DLGAP2: variants seen among roughly 807,000 people sequenced by gnomAD.
The protein encoded by DLGAP2 is DLG associated protein 2.
DLGAP2 carries 26 observed loss-of-function variants against 100.3 expected under a neutral mutation model. The ratio of observed to expected loss-of-function variants is 0.26; its 90% confidence interval spans 0.19 to 0.36. The LOEUF (loss-of-function observed/expected upper bound fraction) is 0.36. DLGAP2 is among the 10% of genes least tolerant of loss of function. DLGAP2 has a pLI of 1.00. For missense variants in DLGAP2, 1,858 were observed against 1,453.2 expected, an observed-to-expected ratio of 1.28 and a Z score of -4.53; for synonymous variants, 886 against 630.1, an observed-to-expected ratio of 1.41 and a Z score of -6.08.
At chr8:1,096,275 GC>G (rs1399395666) in intron 2 of DLGAP2, among the ~76,000 whole-genome samples, 1 of 152,218 alleles carries the variant, frequency 6.6e-6, no homozygotes, top group Non-Finnish European at 1.5e-5. Context: ...GCCTTGCCAA[GC>G]CTTTGCTCAG....
intron 3 of DLGAP2, among the ~76,000 whole-genome samples, chr8:1,331,750 A>G (rs1244718293): frequency 6.6e-6 from 1 of 152,178 alleles, no homozygotes; most frequent in African/African-American, 2.4e-5. Flanking sequence ...TGTTTTGCTT[A>G]TGGGCTGGGC....
intron 2 of DLGAP2, among the ~76,000 whole-genome samples, chr8:1,141,521 G>A (rs1796522290): frequency 6.6e-6 from 1 of 152,116 alleles, no homozygotes; most frequent in African/African-American, 2.4e-5. Context: ...TGGTGTTGTG[G>A]TCAAATAGGA....
At chr8:1,327,988 C>G (rs1454103758) in intron 3 of DLGAP2, among the ~76,000 whole-genome samples, 2 of 152,166 alleles carry the variant, frequency 1.3e-5, no homozygotes, top group Non-Finnish European at 2.9e-5. Context: ...GAGCAGAGCC[C>G]TTTAGACTTC....
chr8:839,802 C>G (rs1226841746), intron 1 of DLGAP2, among the ~76,000 whole-genome samples: 1 of 152,338 alleles, frequency 6.6e-6, no homozygotes, highest in South Asian at 2.1e-4. Context: ...TGCAGCTCAG[C>G]CTTCAGATCT....
intron 2 of DLGAP2, among the ~76,000 whole-genome samples, chr8:1,145,702 T>C (rs1049053343): frequency 1.6e-4 from 24 of 151,184 alleles, no homozygotes; most frequent in Admixed American, 5.9e-4. Context: ...CATGCTGGTG[T>C]GCTGCACCCA....
In DLGAP2 at chr8:772,660, G is replaced by C. The variant is rs532620023; in HGVS notation, c.18+34835G>C. Among the ~76,000 whole-genome samples, 5 of 152,274 alleles carry C rather than the reference G, an allele frequency of 3.3e-5. No individual in the cohort carries two copies. The South Asian group carries it at 1.0e-3, about 32-fold the overall frequency. ...TTTACTGTCTTTTCTTTGGTACTAA[G>C]TCTTCAAACTCTGAAAAGTATTTGA... On this transcript the variant is annotated intron_variant, in intron 1 of 14. Transcript: ENST00000637795.
At chr8:1,306,781 G>C (rs1800501720) in intron 3 of DLGAP2, among the ~76,000 whole-genome samples, 1 of 152,172 alleles carries the variant, frequency 6.6e-6, no homozygotes, top group South Asian at 2.1e-4. Context: ...AGGGTGCCAA[G>C]ACCATTCAAT....
At chr8:1,022,489 A>G (rs1394622074) in intron 2 of DLGAP2, among the ~76,000 whole-genome samples, 1 of 140,090 alleles carries the variant, frequency 7.1e-6, no homozygotes, top group Non-Finnish European at 1.5e-5. Context: ...CCTCCCTGGG[A>G]TTGGACGGTC....
At chr8:886,695 T>C (rs1639237195) in intron 1 of DLGAP2, among the ~76,000 whole-genome samples, 1 of 152,256 alleles carries the variant, frequency 6.6e-6, no homozygotes, top group Non-Finnish European at 1.5e-5. Flanking sequence ...GTGAGTTTCT[T>C]AATCCCAAGT....
chr8:1,145,191 C>A (rs1282434843), intron 2 of DLGAP2, among the ~76,000 whole-genome samples: 1 of 152,094 alleles, frequency 6.6e-6, no homozygotes, highest in Admixed American at 6.6e-5. Context: ...CAGCCACCAT[C>A]CAGAAACACA....
chr8:1,621,388 T>A (rs1797331930), intron 6 of DLGAP2: 1 of 152,522 alleles, frequency 6.6e-6, no homozygotes, highest in Non-Finnish European at 1.5e-5. Flanking sequence ...GAGGTTGTCA[T>A]GGCTGGGTCA....
At chr8:1,236,979 C>G (rs1798672075) in intron 2 of DLGAP2, among the ~76,000 whole-genome samples, 1 of 150,494 alleles carries the variant, frequency 6.6e-6, no homozygotes, top group Non-Finnish European at 1.5e-5. Flanking sequence ...GGTGCCGTGT[C>G]TAGTTCTCTC....
intron 2 of DLGAP2, among the ~76,000 whole-genome samples, chr8:1,010,916 G>C (rs1473972206): frequency 6.7e-6 from 1 of 149,434 alleles, no homozygotes; most frequent in South Asian, 2.2e-4. Context: ...CTACACAGTG[G>C]GCCCCAGGCG....
At chr8:1,177,192 C>A (rs1328018160) in intron 2 of DLGAP2, among the ~76,000 whole-genome samples, 3 of 152,174 alleles carry the variant, frequency 2.0e-5, no homozygotes, top group Admixed American at 6.5e-5. Context: ...GGGGCCCTTA[C>A]ATCTTTTCTT....
chr8:1,449,207 T>A (rs977127974), intron 3 of DLGAP2, among the ~76,000 whole-genome samples: 2 of 152,242 alleles, frequency 1.3e-5, no homozygotes, highest in African/African-American at 4.8e-5. Context: ...TCAGCCCAGC[T>A]GAGCCTCCTA....
At chr8:1,227,709 G>C (rs1798450987) in intron 2 of DLGAP2, among the ~76,000 whole-genome samples, 1 of 152,076 alleles carries the variant, frequency 6.6e-6, no homozygotes, top group African/African-American at 2.4e-5. Flanking sequence ...CTTATATGTG[G>C]AATTATATAA....
At chr8:873,117 A>G (rs779502044) in intron 1 of DLGAP2, among the ~76,000 whole-genome samples, 3 of 152,256 alleles carry the variant, frequency 2.0e-5, no homozygotes, top group Non-Finnish European at 2.9e-5. Flanking sequence ...TAGATTATTT[A>G]TAAAACTTAA....
chr8:1,279,502 T>C (rs1799773194), intron 3 of DLGAP2, among the ~76,000 whole-genome samples: 1 of 152,222 alleles, frequency 6.6e-6, no homozygotes, highest in Admixed American at 6.5e-5. Flanking sequence ...GGAGGGAAAT[T>C]GCAATTCTAG....
rs955735219 is a variant in DLGAP2, at chr8:1,508,715, C to T, written c.172+7284C>T. Among the ~76,000 whole-genome samples the T allele has an allele frequency of 3.3e-5, 5 of 150,256 alleles. No homozygotes were observed. In the South Asian group the frequency reaches 6.4e-4, roughly 19 times the overall value. On this transcript the variant is annotated intron_variant, in intron 4 of 14. Transcript: ENST00000637795. ...AAATGGAATCCACAACTGCTGCGCA[C>T]AGGAGGGAAATGAACCCAGTGCCCG...
Sources: allele counts gnomAD v4.1 joint callset (sites outside exome capture counted in the v4.1 genomes callset), GRCh38; gene constraint gnomAD v4.1.1; transcripts MANE v1.5; gene names NCBI Gene and HGNC (gene_info 2026-07-23, HGNC 2026-07-21).